Variants in CAST observed in about 807,000 individuals in gnomAD.
CAST encodes MIR583 host.
Under a neutral mutation model 119.6 loss-of-function variants are expected in CAST, and 76 were observed. The observed-to-expected ratio is 0.64, with a 90% CI of 0.53 to 0.77. The LOEUF (loss-of-function observed/expected upper bound fraction) is 0.77. Among genes scored for constraint, CAST ranks in the 30% least tolerant of loss-of-function variants. CAST has a pLI of 0.00. For synonymous variants in CAST, 319 were observed against 331.6 expected (o/e 0.96, Z 0.41); for missense variants, 953 against 946.5 (o/e 1.01, Z -0.09).
chr5:96,289,056 G>C, the CAST span, among the ~76,000 whole-genome samples: 1 of 151,268 alleles, frequency 6.6e-6, no homozygotes, highest in African/African-American at 2.4e-5. Flanking sequence ...TCCATTTTCT[G>C]CTGCTGCTTT....
chr5:96,553,508 C>T (rs1746175676), intron 1 of CAST, among the ~76,000 whole-genome samples: 1 of 151,970 alleles, frequency 6.6e-6, no homozygotes, highest in Non-Finnish European at 1.5e-5. Context: ...ACAAGGATGC[C>T]CTCTCTCACC....
the CAST span, among the ~76,000 whole-genome samples, chr5:96,302,375 T>C: frequency 1.6e-4 from 25 of 152,318 alleles, no homozygotes; most frequent in African/African-American, 4.8e-4. Context: ...TTTTCCCCAT[T>C]GCAATGGCTG....
At chr5:96,400,251 C>T in the CAST span, 4 of 1,083,402 alleles carry the variant, frequency 3.7e-6, no homozygotes, top group Admixed American at 6.8e-5. Flanking sequence ...AAAGCAAGTG[C>T]TAACAATAAG....
At chr5:96,736,287 C>T (rs1160953673) in intron 10 of CAST, 47 bp downstream of exon 10, 1 of 1,165,528 alleles carries the variant, frequency 8.6e-7, no homozygotes, top group Non-Finnish European at 1.3e-6. Flanking sequence ...TACTCATATG[C>T]TCTGTATTTA....
At chr5:96,454,120 G>A in the CAST span, among the ~76,000 whole-genome samples, 7 of 152,042 alleles carry the variant, frequency 4.6e-5, no homozygotes, top group Admixed American at 4.6e-4. Flanking sequence ...TATAAGACGA[G>A]GTCTTAGAGC....
chr5:96,445,739 T>C, the CAST span, among the ~76,000 whole-genome samples: 2 of 152,240 alleles, frequency 1.3e-5, no homozygotes, highest in African/African-American at 4.8e-5. Flanking sequence ...TTTCTGCTGT[T>C]TTTGATGCTG....
At chr5:96,119,132 A>G in the CAST span, among the ~76,000 whole-genome samples, 3 of 152,180 alleles carry the variant, frequency 2.0e-5, no homozygotes, top group African/African-American at 4.8e-5. Flanking sequence ...ATGAGGGGAA[A>G]AAAGGATTGT....
chr5:96,760,491 A>G (rs1767545357), intron 24 of CAST, among the ~76,000 whole-genome samples: 1 of 151,968 alleles, frequency 6.6e-6, no homozygotes, highest in African/African-American at 2.4e-5. Flanking sequence ...AAAAGCAGAA[A>G]CTATGAAAAG....
the CAST span, among the ~76,000 whole-genome samples, chr5:96,389,358 T>C: frequency 6.6e-6 from 1 of 152,184 alleles, no homozygotes; most frequent in African/African-American, 2.4e-5. Flanking sequence ...CAATATCACA[T>C]TGTACACCTT....
the CAST span, among the ~76,000 whole-genome samples, chr5:96,313,367 C>T: frequency 6.6e-6 from 1 of 152,088 alleles, no homozygotes; most frequent in East Asian, 1.9e-4. Flanking sequence ...CACTGGCAAC[C>T]ACTGATCAGA....
intron 8 of CAST, 96 bp from the exon 9 acceptor site, chr5:96,730,684 A>T (rs1760270504): frequency 1.1e-6 from 1 of 870,728 alleles, no homozygotes; most frequent in Non-Finnish European, 1.9e-6. Flanking sequence ...CGTGAGGGTG[A>T]ACTGGCAGAT....
the CAST span, among the ~76,000 whole-genome samples, chr5:96,087,982 A>G: frequency 1.3e-5 from 2 of 152,214 alleles, no homozygotes; most frequent in African/African-American, 2.4e-5. Flanking sequence ...CATAGAGGCA[A>G]ACAACTCCCA....
chr5:96,706,729 CT>C (rs1362503573), intron 3 of CAST, among the ~76,000 whole-genome samples: 3 of 152,212 alleles, frequency 2.0e-5, no homozygotes, highest in African/African-American at 7.2e-5. Flanking sequence ...GTGCTTTCCC[CT>C]GAGACACTCC....
the CAST span, among the ~76,000 whole-genome samples, chr5:96,166,329 A>G: frequency 6.6e-6 from 1 of 152,204 alleles, no homozygotes; most frequent in Admixed American, 6.5e-5. Flanking sequence ...ATCTAACTTA[A>G]TTTTTAATAA....
At chr5:96,498,422 G>A in the CAST span, among the ~76,000 whole-genome samples, 1 of 152,242 alleles carries the variant, frequency 6.6e-6, no homozygotes, top group East Asian at 1.9e-4. Flanking sequence ...GCTTGATGGG[G>A]ATGGCATTGA....
intron 1 of CAST, among the ~76,000 whole-genome samples, chr5:96,551,907 G>T (rs116595162): frequency 6.6e-6 from 1 of 152,138 alleles, no homozygotes; most frequent in East Asian, 1.9e-4. Flanking sequence ...GGAGCACCGC[G>T]ATTCATAAAG....
the CAST span, among the ~76,000 whole-genome samples, chr5:96,066,654 T>G: frequency 6.6e-6 from 1 of 152,048 alleles, no homozygotes; most frequent in Non-Finnish European, 1.5e-5. Flanking sequence ...TTTTTTTAAA[T>G]TTTTAAAAAT....
chr5:96,024,586 C>T, the CAST span, among the ~76,000 whole-genome samples: 2 of 151,988 alleles, frequency 1.3e-5, no homozygotes, highest in African/African-American at 4.8e-5. Flanking sequence ...ACAGATAAAA[C>T]TGCTTGAAGT....
the CAST span, among the ~76,000 whole-genome samples, chr5:96,015,168 AT>A: frequency 7.2e-5 from 11 of 152,304 alleles, no homozygotes; most frequent in African/African-American, 2.4e-4. Context: ...CTCTGAAGTT[AT>A]TTTTTAAAGG....
Sources: allele counts gnomAD v4.1 joint callset (sites outside exome capture counted in the v4.1 genomes callset), GRCh38; gene constraint gnomAD v4.1.1; transcripts MANE v1.5; gene names NCBI Gene and HGNC (gene_info 2026-07-23, HGNC 2026-07-21).